The following PIK3R5 variants were observed in gnomAD, a reference collection of about 807,000 sequenced individuals.
PIK3R5 encodes phosphoinositide-3-kinase regulatory subunit 5, also known as phosphoinositide 3-kinase regulatory subunit 5.
PIK3R5 carries 32 observed loss-of-function variants against 94.9 expected under a neutral mutation model. The observed-to-expected ratio is 0.34, with a 90% CI of 0.25 to 0.45. The LOEUF (loss-of-function observed/expected upper bound fraction) is 0.45, where lower values mean the gene tolerates loss of function less well. Ranked by LOEUF, PIK3R5 falls within the 20% of genes least tolerant of loss-of-function variation. The pLI, the probability that PIK3R5 is intolerant of heterozygous loss-of-function variation, is 1.00. For synonymous variants in PIK3R5, 443 were observed against 479.4 expected, an observed-to-expected ratio of 0.92 and a Z score of 0.99; for missense variants, 853 against 1,144.6, an observed-to-expected ratio of 0.75 and a Z score of 3.68.
At chr17:8,915,348 C>T (rs1227301556) in intron 1 of PIK3R5, among the ~76,000 whole-genome samples, 7 of 149,540 alleles carry the variant, frequency 4.7e-5, no homozygotes, top group South Asian at 2.1e-4. Context: ...GGCTTGAACC[C>T]GGGAGGTGGA....
intron 1 of PIK3R5, among the ~76,000 whole-genome samples, chr17:8,951,908 A>T (rs183294415): frequency 1.1e-4 from 17 of 152,370 alleles, no homozygotes; most frequent in Admixed American, 3.3e-4. Context: ...AAGTATGACC[A>T]TATGACTACA....
At chr17:8,891,900 G>A (rs987645861) in intron 6 of PIK3R5, among the ~76,000 whole-genome samples, 7 of 151,914 alleles carry the variant, frequency 4.6e-5, no homozygotes, top group African/African-American at 1.7e-4. Flanking sequence ...CACCGCGCCC[G>A]GCTACTATGG....
In PIK3R5 at chr17:8,945,352, C is replaced by CCA. The variant is rs146104985; in HGVS notation, c.-14+20242_-14+20243dup. ...TCAGTAGGTCTGCCTCCCACCCCAG[C>CCA]CACACACACACACACTCACACCCTT... is the stretch of plus-strand genomic sequence containing the variant. On this transcript the variant is annotated intron_variant, in intron 1 of 18. Transcript: ENST00000447110. This position sits in a 1 kb window ranked among gnomAD's most constrained non-coding sequence, Gnocchi z 4.0. Among the ~76,000 whole-genome samples the CCA allele has an allele frequency of 7.5e-3, 1,139 of 151,472 alleles. 12 individuals are homozygous for CCA. Among genetic ancestry groups the CCA allele is most frequent in the African/African-American group, 0.025 (1,051 of 41,368 alleles).
chr17:8,905,020 C>A (rs1266751676), intron 4 of PIK3R5, 105 bp from the exon 5 acceptor site: 1 of 1,238,440 alleles, frequency 8.1e-7, no homozygotes, highest in East Asian at 2.3e-5. Context: ...AAAAGACACA[C>A]ATTTCCTGGC....
chr17:8,913,690 T>C (rs991055997), intron 1 of PIK3R5, among the ~76,000 whole-genome samples: 3 of 152,124 alleles, frequency 2.0e-5, no homozygotes, highest in Non-Finnish European at 2.9e-5. Flanking sequence ...CCAGCCTGGG[T>C]GACAGAGCGA....
At chr17:8,962,203 T>A (rs961559862) in intron 1 of PIK3R5, among the ~76,000 whole-genome samples, 1 of 152,002 alleles carries the variant, frequency 6.6e-6, no homozygotes, top group Non-Finnish European at 1.5e-5. Context: ...TACCTCAGAG[T>A]GTGACTGTGA....
intron 1 of PIK3R5, among the ~76,000 whole-genome samples, chr17:8,954,953 A>T (rs2151477567): frequency 6.6e-6 from 1 of 151,886 alleles, no homozygotes. Context: ...AAAAAAAAAA[A>T]AAAAGATTCC....
chr17:8,902,463 A>G (rs970323629), intron 5 of PIK3R5, among the ~76,000 whole-genome samples: 29 of 152,056 alleles, frequency 1.9e-4, no homozygotes, highest in African/African-American at 7.0e-4. Context: ...CATGTTGGCC[A>G]GGATGGTCTC....
intron 1 of PIK3R5, among the ~76,000 whole-genome samples, chr17:8,949,705 C>A (rs929946021): frequency 6.6e-6 from 1 of 152,050 alleles, no homozygotes; most frequent in African/African-American, 2.4e-5. Context: ...TAAGTGGGAG[C>A]TAAGCTATAC....
At chr17:8,902,846 A>ATTTTTTTTTTTTTTTTTTTTTT (rs35776068) in intron 5 of PIK3R5, among the ~76,000 whole-genome samples, 3 of 140,160 alleles carry the variant, frequency 2.1e-5, no homozygotes, top group African/African-American at 8.0e-5. Context: ...TTTAGATAGA[A>ATTTTTTTTTTTTTTTTTTTTTT]TTTTTTTTTT....
intron 1 of PIK3R5, among the ~76,000 whole-genome samples, chr17:8,959,665 C>A (rs942552332): frequency 6.6e-6 from 1 of 152,186 alleles, no homozygotes; most frequent in Non-Finnish European, 1.5e-5. Context: ...TGAAAAGGGC[C>A]AAACCACCAA....
chr17:8,962,671 G>A (rs542585490), intron 1 of PIK3R5, among the ~76,000 whole-genome samples: 67 of 152,280 alleles, frequency 4.4e-4, no homozygotes, highest in African/African-American at 1.5e-3. Flanking sequence ...AAATATTGTT[G>A]CCTATTATAA....
intron 1 of PIK3R5, among the ~76,000 whole-genome samples, chr17:8,952,526 T>C (rs1423525176): frequency 2.0e-5 from 3 of 152,160 alleles, no homozygotes; most frequent in African/African-American, 7.2e-5. Context: ...TGTCCTACTC[T>C]AGGGAGAGCA....
chr17:8,961,835 A>G (rs2091571594), intron 1 of PIK3R5, among the ~76,000 whole-genome samples: 1 of 152,142 alleles, frequency 6.6e-6, no homozygotes, highest in African/African-American at 2.4e-5. Context: ...CTGTGCCATG[A>G]AAGTCATCCA....
rs183296872 is a variant in PIK3R5 at position 8,921,313 on chromosome 17, T to G, written c.-13-9806A>C. Among the ~76,000 whole-genome samples, 559 of 152,340 alleles carry G rather than the reference T, an allele frequency of 3.7e-3. 2 individuals carry two copies. The highest frequency in any genetic ancestry group is 5.1e-3 in the Non-Finnish European group (349 of 68,030). On this transcript the variant is annotated intron_variant, in intron 1 of 18. Transcript: ENST00000447110. ...CCATTCCTACTTATAAGTCCTTTAT[T>G]TTGGTTCATGTCTTGCTCACTCAAG...
intron 1 of PIK3R5, among the ~76,000 whole-genome samples, chr17:8,962,308 A>G (rs1192557885): frequency 1.3e-5 from 2 of 152,262 alleles, no homozygotes; most frequent in East Asian, 1.9e-4. Flanking sequence ...AAGAGAACGA[A>G]GCATGAATGT....
intron 5 of PIK3R5, among the ~76,000 whole-genome samples, chr17:8,901,391 A>G (rs867588189): frequency 4.6e-5 from 7 of 152,314 alleles, no homozygotes; most frequent in Middle Eastern, 3.4e-3. Flanking sequence ...TTGTAATGAC[A>G]GACAGCTGAC....
At chr17:8,961,274 G>A (rs1321082432) in intron 1 of PIK3R5, among the ~76,000 whole-genome samples, 1 of 152,184 alleles carries the variant, frequency 6.6e-6, no homozygotes, top group African/African-American at 2.4e-5. Flanking sequence ...GGGTGGACCT[G>A]GGATGGGTGG....
At chr17:8,920,011 G>A (rs1342644578) in intron 1 of PIK3R5, among the ~76,000 whole-genome samples, 3 of 150,068 alleles carry the variant, frequency 2.0e-5, no homozygotes, top group East Asian at 3.9e-4. Flanking sequence ...TGCCTCCCGA[G>A]TAGCTGAGAT....
Sources: gnomAD v4.1 joint callset for allele counts (sites outside exome capture counted in the v4.1 genomes callset) on GRCh38, gnomAD v4.1.1 for gene constraint, Gnocchi (gnomAD v3.1) non-coding constraint, MANE v1.5 for transcripts, NCBI Gene and HGNC (gene_info 2026-07-23, HGNC 2026-07-21) for gene names.